PFKFB3: variants seen among roughly 807,000 people sequenced by gnomAD.
The protein encoded by PFKFB3 is 6-phosphofructo-2-kinase/fructose-2,6-biphosphatase 3.
In PFKFB3, 33 loss-of-function variants were observed where a neutral mutation model predicts 68.0. The observed-to-expected ratio is 0.49, with a 90% CI of 0.37 to 0.65. PFKFB3 has a LOEUF of 0.65. PFKFB3 is among the 30% of genes least tolerant of loss of function. The pLI, the probability that PFKFB3 is intolerant of heterozygous loss-of-function variation, is 0.00. For synonymous variants in PFKFB3, 315 were observed against 288.2 expected (o/e 1.09, Z -0.94); for missense variants, 586 against 712.2 (o/e 0.82, Z 2.02).
At chr10:6,232,002 C>T (rs914756261) in intron 14 of PFKFB3, among the ~76,000 whole-genome samples, 1 of 152,282 alleles carries the variant, frequency 6.6e-6, no homozygotes, top group Non-Finnish European at 1.5e-5. Flanking sequence ...TGGATGGCTC[C>T]AGCCTTGGAC....
chr10:6,214,242 C>T (rs1844414545), intron 2 of PFKFB3, among the ~76,000 whole-genome samples: 1 of 152,164 alleles, frequency 6.6e-6, no homozygotes, highest in African/African-American at 2.4e-5. Context: ...CATTAGATTC[C>T]CATGGGAGTG....
intron 14 of PFKFB3, 127 bp from the exon 15 acceptor site, chr10:6,232,768 T>C: frequency 1.3e-6 from 1 of 773,082 alleles, no homozygotes; most frequent in Non-Finnish European, 2.2e-6. Flanking sequence ...CTTTCTTGGA[T>C]CATGTTCTTT....
chr10:6,270,524 C>T, the PFKFB3 span, among the ~76,000 whole-genome samples: 445 of 152,268 alleles, frequency 2.9e-3, 2 homozygotes, highest in African/African-American at 0.01. Flanking sequence ...AGCCTCAGCT[C>T]AGCCTACACT....
the PFKFB3 span, among the ~76,000 whole-genome samples, chr10:6,297,957 G>A: frequency 1.3e-5 from 2 of 152,116 alleles, no homozygotes; most frequent in Non-Finnish European, 2.9e-5. Flanking sequence ...GAATGTGGAT[G>A]AACAAACATA....
intron 1 of PFKFB3, among the ~76,000 whole-genome samples, chr10:6,207,426 G>T (rs979283690): frequency 1.1e-4 from 17 of 152,258 alleles, no homozygotes; most frequent in Non-Finnish European, 2.2e-4. Context: ...GGGAGACCGT[G>T]GGGAGAGGGA....
chr10:6,191,197 ATTAT>A (rs1025052227), intron 1 of PFKFB3, among the ~76,000 whole-genome samples: 1 of 152,256 alleles, frequency 6.6e-6, no homozygotes, highest in African/African-American at 2.4e-5. Context: ...CCACAGGAAA[ATTAT>A]TTAAAGATAC....
chr10:6,322,991 C>T, the PFKFB3 span, among the ~76,000 whole-genome samples: 33 of 152,206 alleles, frequency 2.2e-4, no homozygotes, highest in African/African-American at 7.5e-4. Context: ...GACCTAAGAC[C>T]ATCTGTTACA....
the PFKFB3 span, among the ~76,000 whole-genome samples, chr10:6,277,108 A>G: frequency 6.6e-6 from 1 of 152,068 alleles, no homozygotes; most frequent in Non-Finnish European, 1.5e-5. Flanking sequence ...TACAGTTTGG[A>G]TCTGTGTCCC....
chr10:6,167,119 C>T (rs1326691219), intron 1 of PFKFB3, among the ~76,000 whole-genome samples: 5 of 152,232 alleles, frequency 3.3e-5, no homozygotes, highest in African/African-American at 1.2e-4. Context: ...CTTGCCTGGC[C>T]TCCTAGCCTT....
At chr10:6,280,423 G>C in the PFKFB3 span, among the ~76,000 whole-genome samples, 1 of 152,196 alleles carries the variant, frequency 6.6e-6, no homozygotes, top group East Asian at 1.9e-4. Context: ...AACCTGGCTC[G>C]CCTGACGGTG....
At chr10:6,307,923 G>T in the PFKFB3 span, among the ~76,000 whole-genome samples, 1 of 152,052 alleles carries the variant, frequency 6.6e-6, no homozygotes, top group South Asian at 2.1e-4. Context: ...AGTTGTCATG[G>T]GAGTGATTTT....
At chr10:6,301,183 G>A in the PFKFB3 span, among the ~76,000 whole-genome samples, 444 of 152,176 alleles carry the variant, frequency 2.9e-3, 3 homozygotes, top group African/African-American at 9.9e-3. Flanking sequence ...TCCACCATTG[G>A]GCTTTTCATT....
At chr10:6,276,857 T>TGTGTG in the PFKFB3 span, among the ~76,000 whole-genome samples, 1 of 151,712 alleles carries the variant, frequency 6.6e-6, no homozygotes, top group South Asian at 2.1e-4. Context: ...TGTGTGTGTG[T>TGTGTG]GTGTGTGTGT....
At chr10:6,302,036 C>T in the PFKFB3 span, among the ~76,000 whole-genome samples, 37 of 149,572 alleles carry the variant, frequency 2.5e-4, no homozygotes, top group African/African-American at 8.5e-4. Flanking sequence ...AACATACTTG[C>T]GATTTTTCTT....
the PFKFB3 span, among the ~76,000 whole-genome samples, chr10:6,259,708 A>G: frequency 1.3e-5 from 2 of 152,214 alleles, no homozygotes; most frequent in Non-Finnish European, 2.9e-5. Flanking sequence ...GCATTGTGGT[A>G]GTCACCTTGT....
the PFKFB3 span, among the ~76,000 whole-genome samples, chr10:6,310,754 T>G: frequency 6.6e-6 from 1 of 152,212 alleles, no homozygotes; most frequent in African/African-American, 2.4e-5. Flanking sequence ...TTTTAAATCT[T>G]GAATAAGACA....
chr10:6,223,242 G>C (rs561106531), intron 11 of PFKFB3, among the ~76,000 whole-genome samples: 1 of 152,162 alleles, frequency 6.6e-6, no homozygotes, highest in African/African-American at 2.4e-5. Context: ...CCTGAGACCC[G>C]CCCCTGGCTC....
At chr10:6,218,545 C>T (rs1844745321) in intron 6 of PFKFB3, among the ~76,000 whole-genome samples, 1 of 152,078 alleles carries the variant, frequency 6.6e-6, no homozygotes. Context: ...TCTCCTGCCT[C>T]AGCCTCCCGA....
chr10:6,239,936 A>T (rs1846103082), downstream of PFKFB3, among the ~76,000 whole-genome samples: 1 of 152,134 alleles, frequency 6.6e-6, no homozygotes, highest in African/African-American at 2.4e-5. Flanking sequence ...GGCCTCCCAA[A>T]GTGGTGGGAT....
Sources: gnomAD v4.1 joint callset for allele counts (sites outside exome capture counted in the v4.1 genomes callset) on GRCh38, gnomAD v4.1.1 for gene constraint, MANE v1.5 for transcripts, NCBI Gene and HGNC (gene_info 2026-07-23, HGNC 2026-07-21) for gene names.